Variants in PRKCE observed in about 807,000 individuals in gnomAD.
PRKCE encodes protein kinase C epsilon.
PRKCE carries 16 observed loss-of-function variants against 85.4 expected under a neutral mutation model. The ratio of observed to expected loss-of-function variants is 0.19; its 90% CI spans 0.13 to 0.28. The LOEUF is 0.28. PRKCE is among the 10% of genes least tolerant of loss of function. The pLI is 1.00. For synonymous variants in PRKCE, 388 were observed against 371.5 expected (o/e 1.04, Z -0.51); for missense variants, 573 against 975.2 (o/e 0.59, Z 5.49).
intron 1 of PRKCE, among the ~76,000 whole-genome samples, chr2:45,692,863 G>A (rs1162362518): frequency 6.6e-6 from 1 of 152,224 alleles, no homozygotes; most frequent in Admixed American, 6.5e-5. Flanking sequence ...CGAGGGATGA[G>A]TGGAATTTTA....
chr2:45,940,656 G>C (rs964424836), intron 2 of PRKCE, among the ~76,000 whole-genome samples: 1 of 152,192 alleles, frequency 6.6e-6, no homozygotes, highest in Non-Finnish European at 1.5e-5. Context: ...GCGCTCACAA[G>C]TGTTCACTCT....
At chr2:46,054,769 T>G (rs928667630) in intron 10 of PRKCE, among the ~76,000 whole-genome samples, 5 of 152,130 alleles carry the variant, frequency 3.3e-5, no homozygotes, top group African/African-American at 1.2e-4. Flanking sequence ...AATGTTGCCT[T>G]TTCCAAAACC....
chr2:45,869,599 C>T (rs887560959), intron 2 of PRKCE, among the ~76,000 whole-genome samples: 1 of 152,116 alleles, frequency 6.6e-6, no homozygotes, highest in African/African-American at 2.4e-5. Context: ...AGAGGTTGAG[C>T]TCACTAAGGG....
intron 10 of PRKCE, among the ~76,000 whole-genome samples, chr2:46,049,283 C>T (rs1708715799): frequency 6.6e-6 from 1 of 152,178 alleles, no homozygotes; most frequent in Admixed American, 6.5e-5. Flanking sequence ...GCCGAGTGGG[C>T]TTACAGCCTG....
At position 45,693,652 on chromosome 2, in the gene PRKCE, G is replaced by T. The variant is rs73926032; in HGVS notation, c.348+41204G>T. Among the ~76,000 whole-genome samples, 922 of 152,268 alleles carry T rather than the reference G, an allele frequency of 6.1e-3. 11 individuals are homozygous for T. Among genetic ancestry groups the T allele is most frequent in the African/African-American group, 0.02 (833 of 41,544 alleles). On this transcript the variant is annotated intron_variant, in intron 1 of 14. Coordinates refer to ENST00000306156, the MANE Select transcript of PRKCE (RefSeq NM_005400.3). Reference sequence around the variant, plus strand: ...AGCTGATGTTCTCTCTGAGAGGCTGGTCTCAAGAAAACTCTCCACAAAGTG... The same window carrying T: ...AGCTGATGTTCTCTCTGAGAGGCTGTTCTCAAGAAAACTCTCCACAAAGTG...
rs1054259044 is a variant in PRKCE, at chr2:46,139,437, T to C, written c.1593-5656T>C. ...CAGAAGAATTTAAAATATAAAATAATAGCCTGGATTATTTTGAAGTGGATT... is the reference window on the plus strand; with the variant it reads ...CAGAAGAATTTAAAATATAAAATAACAGCCTGGATTATTTTGAAGTGGATT... On this transcript the variant is annotated intron_variant, in intron 11 of 14. Transcript: ENST00000306156. This position sits in a 1 kb window ranked among gnomAD's most constrained non-coding sequence, Gnocchi z 5.2. 1.2e-4 allele frequency among the ~76,000 whole-genome samples: 18 copies of C among 152,208 alleles called. No homozygotes were observed. The highest frequency in any genetic ancestry group is 4.1e-4 in the African/African-American group (17 of 41,554).
At position 45,655,350 on chromosome 2, in the gene PRKCE, T is replaced by C. The variant is rs1195076899; in HGVS notation, c.348+2902T>C. 3.5e-5 allele frequency among the ~76,000 whole-genome samples: 5 copies of C among 140,986 alleles called. No individual in the cohort carries two copies. In the Admixed American group the frequency reaches 3.7e-4, roughly 10 times the overall value. 92.5% of individuals were successfully genotyped at this position (140,986 alleles called of 152,430 possible). On this transcript the variant is annotated intron_variant, in intron 1 of 14. Coordinates refer to ENST00000306156, the MANE Select transcript of PRKCE (RefSeq NM_005400.3). ...TTTCCTAAAACGTTATAAGTTTTTT[T>C]GCATTTTTTTTTTTTTTAGCTTATC...
At chr2:45,810,583 CAT>C (rs1688585907) in intron 1 of PRKCE, among the ~76,000 whole-genome samples, 1 of 151,854 alleles carries the variant, frequency 6.6e-6, no homozygotes, top group African/African-American at 2.4e-5. Flanking sequence ...CATTGGACAT[CAT>C]TTGCAATGTT....
intron 1 of PRKCE, among the ~76,000 whole-genome samples, chr2:45,737,338 T>G (rs1366330751): frequency 6.6e-6 from 1 of 152,172 alleles, no homozygotes; most frequent in Non-Finnish European, 1.5e-5. Flanking sequence ...GAGTCATCCC[T>G]CACTCCCCAC....
rs114823012 is a variant in PRKCE at position 45,818,361 on chromosome 2, C to T, written c.349-24639C>T. ...GCCCCACACCCCTCTGGATTTGAAA[C>T]TTGACTTTCCTCTGAGCCATAAGGA... On this transcript the variant is annotated intron_variant, in intron 1 of 14. Transcript: ENST00000306156. Among the ~76,000 whole-genome samples, 509 of 152,254 alleles carry T rather than the reference C, an allele frequency of 3.3e-3. 4 individuals are homozygous for T. The highest frequency in any genetic ancestry group is 0.01 in the African/African-American group (424 of 41,542).
At chr2:46,091,463 G>C (rs982946184) in intron 11 of PRKCE, among the ~76,000 whole-genome samples, 8 of 152,216 alleles carry the variant, frequency 5.3e-5, no homozygotes, top group Non-Finnish European at 1.2e-4. Flanking sequence ...CTCAGACAGT[G>C]AGGGGAGTAG....
intron 2 of PRKCE, among the ~76,000 whole-genome samples, chr2:45,878,361 T>C (rs12477522): frequency 6.6e-6 from 1 of 151,572 alleles, no homozygotes; most frequent in Non-Finnish European, 1.5e-5. Context: ...GGCTTGAATA[T>C]CTCAAGTTAC....
intron 11 of PRKCE, among the ~76,000 whole-genome samples, chr2:46,096,129 A>G (rs1037503456): frequency 1.3e-5 from 2 of 152,252 alleles, no homozygotes; most frequent in African/African-American, 4.8e-5. Context: ...GTTTGAGGTC[A>G]GAAGAATGAG....
intron 14 of PRKCE, chr2:46,167,977 A>G (rs1678506309): frequency 6.6e-6 from 1 of 152,166 alleles, no homozygotes. Flanking sequence ...GACTCTGGAC[A>G]AGTGATTTCG....
intron 9 of PRKCE, among the ~76,000 whole-genome samples, chr2:46,009,360 A>G (rs1285437206): frequency 6.6e-6 from 1 of 152,248 alleles, no homozygotes; most frequent in Non-Finnish European, 1.5e-5. Context: ...AGAAATTAAT[A>G]TGATAGCAGC....
intron 11 of PRKCE, among the ~76,000 whole-genome samples, chr2:46,141,370 G>C (rs1335438968): frequency 6.6e-6 from 1 of 152,080 alleles, no homozygotes; most frequent in Non-Finnish European, 1.5e-5. Flanking sequence ...AATGTGTATG[G>C]TAAGCTCCCA....
At chr2:46,152,642 G>A (rs913084164) in intron 13 of PRKCE, among the ~76,000 whole-genome samples, 6 of 149,598 alleles carry the variant, frequency 4.0e-5, no homozygotes, top group South Asian at 2.1e-4. Context: ...TCTGCCTCTC[G>A]GGTTCAAGAG....
intron 14 of PRKCE, among the ~76,000 whole-genome samples, chr2:46,161,368 G>GA (rs1350151454): frequency 6.6e-6 from 1 of 152,250 alleles, no homozygotes; most frequent in Non-Finnish European, 1.5e-5. Context: ...TCAACCCAAA[G>GA]AAAAATTAGA....
intron 1 of PRKCE, among the ~76,000 whole-genome samples, chr2:45,819,853 G>A (rs181568357): frequency 4.3e-4 from 65 of 152,296 alleles, no homozygotes; most frequent in Admixed American, 3.6e-3. Context: ...AAGAACAATA[G>A]TAAGACTACA....
Sources: gnomAD v4.1 joint callset for allele counts (sites outside exome capture counted in the v4.1 genomes callset) on GRCh38, gnomAD v4.1.1 for gene constraint, Gnocchi (gnomAD v3.1) non-coding constraint, MANE v1.5 for transcripts, NCBI Gene and HGNC (gene_info 2026-07-23, HGNC 2026-07-21) for gene names.